The following TTN variants were observed in gnomAD, a reference collection of about 807,000 sequenced individuals.
The protein encoded by TTN is titin, also known as connectin.
In TTN, 1,525 loss-of-function variants were observed where a neutral mutation model predicts 3,223.0. The observed-to-expected ratio is 0.47, with a 90% CI of 0.45 to 0.49. The LOEUF (loss-of-function observed/expected upper bound fraction) is 0.49, where lower values mean the gene tolerates loss of function less well. Among genes scored for constraint, TTN ranks in the 20% least tolerant of loss-of-function variants. TTN has a pLI of 0.00. For missense variants in TTN, 40,786 were observed against 43,424.0 expected, an observed-to-expected ratio of 0.94 and a Z score of 5.40; for synonymous variants, 14,094 against 15,161.0, an observed-to-expected ratio of 0.93 and a Z score of 5.17.
In TTN at chr2:178,636,660, G is replaced by A; in HGVS notation, c.41067C>T (p.Ile13689=). 6.2e-7 allele frequency: 1 copy of A among 1,613,296 alleles called. No individual in the cohort carries two copies. Among genetic ancestry groups the A allele is most frequent in the Non-Finnish European group, 8.5e-7 (1 of 1,179,534 alleles). Residue 13689 remains isoleucine, a synonymous_variant, in exon 225 of 363, where the codon ATC becomes ATT. Coordinates refer to ENST00000589042, the MANE Select transcript of TTN (RefSeq NM_001267550.2). This position sits in a 1 kb window ranked among gnomAD's most constrained non-coding sequence, Gnocchi z 4.3. ...KAVPLKFVKE[I]KDIILTESEF... ...CTGATTCTGTCAAGATGATGTCTTT[G>A]ATTTCTTTCACAAACTTCAGTGGCA...
Position 178,715,269 on chromosome 2 carries a change from A to C in TTN, c.25922-5T>G. ...TTTTGCGGAAAATGGGTGGTTCTAA[A>C]ATTGGAAAAAAGGAAAATACGGATG... On this transcript the variant is annotated splice_region_variant and splice_polypyrimidine_tract_variant and intron_variant, in intron 89 of 362. Transcript: ENST00000589042. 6.3e-7 allele frequency: 1 copy of C among 1,592,364 alleles called. No homozygotes were observed. Among genetic ancestry groups the C allele is most frequent in the Non-Finnish European group, 8.5e-7 (1 of 1,171,022 alleles).
At chr2:178,712,650 A>C in intron 94 of TTN, 47 bp downstream of exon 94, 1 of 1,606,406 alleles carries the variant, frequency 6.2e-7, no homozygotes, top group African/African-American at 1.3e-5. Flanking sequence ...AGACAAAGAC[A>C]CATCTAATTA....
chr2:178,774,661 A>T (rs2091988593), intron 29 of TTN, 188 bp from the exon 30 acceptor site: 3 of 701,990 alleles, frequency 4.3e-6, no homozygotes, highest in South Asian at 4.5e-5. Context: ...TAATTTTTAA[A>T]TATTTTTGAA....
Position 178,790,718 on chromosome 2 carries a change from C to G in TTN, c.1790G>C (p.Ser597Thr), listed in dbSNP as rs1478820673. The change falls in exon 11 of 363, where the codon AGT becomes ACT. Residue 597 changes from serine to threonine, a missense_variant. By Grantham distance (58) the Ser-to-Thr change is moderately conservative. Coordinates refer to ENST00000589042, the MANE Select transcript of TTN (RefSeq NM_001267550.2). ...TTTQQDQMHL[S>T]YEKIMKETRK... is the part of the protein sequence containing the mutation. ...GCAGGAAGTCATCACCTTTTCATAA[C>G]TTAGGTGCATTTGATCTTGTTGTGT... 6.2e-7 allele frequency: 1 copy of G among 1,614,096 alleles called. No individual in the cohort carries two copies. Among genetic ancestry groups the G allele is most frequent in the Non-Finnish European group, 8.5e-7 (1 of 1,179,988 alleles).
rs1399586410 is a variant in TTN at position 178,720,753 on chromosome 2, G to A, written c.23099-90C>T. On this transcript the variant is annotated intron_variant, in intron 79 of 362. Transcript: ENST00000589042. ...TCTAGAACCTTGAAGAGTGACTGGT[G>A]TGATCATATGACAATACATGCTGAC... is the stretch of plus-strand genomic sequence containing the variant. 7 of 1,401,794 alleles carry A rather than the reference G, an allele frequency of 5.0e-6. No individual in the cohort carries two copies. In the African/African-American group the frequency reaches 1.0e-4, roughly 20 times the overall value. The allele number at this position is 1,401,794 out of a possible 1,614,324, so 86.8% of individuals were successfully genotyped here.
chr2:178,613,633 A>G (rs1400444482), intron 263 of TTN, 118 bp downstream of exon 263: 1 of 1,044,094 alleles, frequency 9.6e-7, no homozygotes, highest in East Asian at 2.8e-5. Context: ...AAATATGAGT[A>G]AAAGTAGTTT....
chr2:178,776,086 C>T lies in TTN; in HGVS notation c.5778G>A (p.Lys1926=). The T allele has an allele frequency of 6.2e-7, 1 of 1,614,166 alleles. No individual in the cohort carries two copies. The highest frequency in any genetic ancestry group is 2.2e-5 in the East Asian group (1 of 44,882). The part of the protein sequence containing the change: ...NPEGVIEHKV[K]LEIQQREDFR... ...AATCTTCCCTCTGTTGAATCTCAAG[C>T]TTCACTTTATGCTCTATCACACCTT... is the stretch of plus-strand genomic sequence containing the variant. The change falls in exon 28 of 363, where the codon AAG becomes AAA. Residue 1926 remains lysine (K), a synonymous_variant. Coordinates refer to ENST00000589042, the MANE Select transcript of TTN (RefSeq NM_001267550.2).
Position 178,576,703 on chromosome 2 carries a change from T to C in TTN, c.69541A>G (p.Lys23181Glu). Reference sequence around the variant, plus strand: ...GCTCTCACCCATCGCAGGCTTTTCTTTTCTCTCCTTTCTACATGATATCCT... The same window carrying C: ...GCTCTCACCCATCGCAGGCTTTTCTCTTCTCTCCTTTCTACATGATATCCT... ...ITGYHVERRE[K>E]KSLRWVRAIK... Residue 23181 changes from lysine to glutamate, a missense_variant, in exon 325 of 363, where the codon AAG becomes GAG. Physicochemically the swap from Lys to Glu is moderately conservative, Grantham distance 56. Coordinates refer to ENST00000589042, the MANE Select transcript of TTN (RefSeq NM_001267550.2). This position sits in a 1 kb window ranked among gnomAD's most constrained non-coding sequence, Gnocchi z 4.3. The C allele has an allele frequency of 6.2e-7, 1 of 1,613,522 alleles. No homozygotes were observed. The highest frequency in any genetic ancestry group is 8.5e-7 in the Non-Finnish European group (1 of 1,179,630).
chr2:178,672,542 C>T (rs2067191138), intron 153 of TTN, 61 bp from the exon 154 acceptor site: 3 of 1,600,848 alleles, frequency 1.9e-6, no homozygotes, highest in African/African-American at 2.7e-5. Flanking sequence ...AGACAAAAAT[C>T]ATCAAAAACA....
chr2:178,609,036 G>C, intron 273 of TTN, 128 bp from the exon 274 acceptor site: 2 of 1,312,542 alleles, frequency 1.5e-6, no homozygotes. Flanking sequence ...TATTCCATTA[G>C]CTAATAAATA....
rs753692236 is a variant in TTN, at chr2:178,719,375, C to T, written c.24015G>A (p.Glu8005=). Residue 8005 remains glutamate, a synonymous_variant, in exon 83 of 363, where the codon GAG becomes GAA. Coordinates refer to ENST00000589042, the MANE Select transcript of TTN (RefSeq NM_001267550.2). ...TCGGGGCTGAGCCAGAGACTCGGCA[C>T]TCCAAAACAACTGAGGCCCCCAGGA... ...NAILGASVVL[E]CRVSGSAPIS... is the part of the protein sequence containing the mutation. 3.7e-6 allele frequency: 6 copies of T among 1,613,628 alleles called. No homozygotes were observed. The highest frequency in any genetic ancestry group is 5.1e-6 in the Non-Finnish European group (6 of 1,179,746).
Position 178,593,053 on chromosome 2 carries a change from G to A in TTN, c.59066C>T (p.Ala19689Val). 6.2e-7 allele frequency: 1 copy of A among 1,613,268 alleles called. No individual in the cohort carries two copies. The highest frequency in any genetic ancestry group is 8.5e-7 in the Non-Finnish European group (1 of 1,179,566). Reference sequence around the variant, plus strand: ...GACTGAATTGCATGTTGTATCTATTGCTTCAGGATTAACAGGTGGACTTGG... The same window carrying A: ...GACTGAATTGCATGTTGTATCTATTACTTCAGGATTAACAGGTGGACTTGG... ...AKPSPPVNPEAIDTTCNSVDL... is the reference protein window; with the variant it reads ...AKPSPPVNPEVIDTTCNSVDL... Residue 19689 changes from alanine to valine, a missense_variant, in exon 300 of 363, where the codon GCA (alanine) becomes GTA (valine). Ala to Val is a moderately conservative substitution (Grantham distance 64). Coordinates refer to ENST00000589042, the MANE Select transcript of TTN (RefSeq NM_001267550.2).
chr2:178,551,001 C>T lies in TTN; in HGVS notation c.91530G>A (p.Gln30510=). 6.2e-7 allele frequency: 1 copy of T among 1,613,240 alleles called. No homozygotes were observed. Among genetic ancestry groups the T allele is most frequent in the Non-Finnish European group, 8.5e-7 (1 of 1,179,556 alleles). ...CTCTTGTCATAATAATGCCAGAAGA[C>T]TGTGAGGGCGGGCTTATAGTTCCAA... ...NAVGTISPPS[Q]SSGIIMTRDE... Residue 30510 remains glutamine (Q), a synonymous_variant, in exon 336 of 363, where the codon CAG becomes CAA. Coordinates refer to ENST00000589042, the MANE Select transcript of TTN (RefSeq NM_001267550.2).
rs776314797 is a variant in TTN, at chr2:178,589,762, C to T, written c.61963G>A (p.Glu20655Lys). ...ENKVGVGPTIETKTPILAINP... is the reference protein window; with the variant it reads ...ENKVGVGPTIKTKTPILAINP... ...ATAGCCAGAATGGGAGTTTTTGTTT[C>T]GATGGTTGGCCCAACACCTACTTTA... is the stretch of plus-strand genomic sequence containing the variant. The change falls in exon 304 of 363, where the codon GAA (glutamate) becomes AAA (lysine). Residue 20655 changes from glutamate (E) to lysine (K), a missense_variant. Coordinates refer to ENST00000589042, the MANE Select transcript of TTN (RefSeq NM_001267550.2). 72 of 1,613,386 alleles carry T rather than the reference C, an allele frequency of 4.5e-5. No homozygotes were observed. Among genetic ancestry groups the T allele is most frequent in the African/African-American group, 5.3e-5 (4 of 74,892 alleles).
rs1701983890 is a variant in TTN at position 178,557,550 on chromosome 2, G to A, written c.87712C>T (p.Pro29238Ser). The A allele has an allele frequency of 6.2e-7, 1 of 1,613,332 alleles. No homozygotes were observed. The highest frequency in any genetic ancestry group is 8.5e-7 in the Non-Finnish European group (1 of 1,179,682). ...ACCCATGGTGTAGATGGTGGTCCAG[G>A]TGTTGCTACAAAAGAGAGAAATCCT... ...CVTVKLPYTT[P>S]GPPSTPWVTN... is the part of the protein sequence containing the mutation. Residue 29238 changes from proline (P) to serine (S), a missense_variant, in exon 329 of 363, where the codon CCT becomes TCT. Pro to Ser is a moderately conservative substitution (Grantham distance 74, BLOSUM62 -1). Coordinates refer to ENST00000589042, the MANE Select transcript of TTN (RefSeq NM_001267550.2).
intron 350 of TTN, 81 bp from the exon 351 acceptor site, chr2:178,540,451 G>T: frequency 8.4e-7 from 1 of 1,189,714 alleles, no homozygotes; most frequent in Non-Finnish European, 1.2e-6. Flanking sequence ...AATTCAATGA[G>T]TTGTTGAAAC....
chr2:178,551,327 G>A lies in TTN; in HGVS notation c.91271-67C>T, dbSNP rs185704309. ...AACCAGGTCTTAATCATCCATGGAA[G>A]AACAATACAATTATTCTATAATTTT... On this transcript the variant is annotated intron_variant, in intron 335 of 362. Transcript: ENST00000589042. 5.6e-4 allele frequency: 720 copies of A among 1,285,246 alleles called. 13 individuals are homozygous for A. In the Admixed American group the frequency reaches 0.018, roughly 32 times the overall value. The allele number at this position is 1,285,246 out of a possible 1,614,324, so 79.6% of individuals were successfully genotyped here.
rs1344423828 is a variant in TTN at position 178,608,201 on chromosome 2, G to T, written c.52682C>A (p.Pro17561His). ...GPGKFSPPSDPKTAHDPISPP... is the reference protein window; with the variant it reads ...GPGKFSPPSDHKTAHDPISPP... ...ACAGATTGGATCATGTGCTGTTTTG[G>T]GATCTGAAGGTGGACTGAACTTTCC... The change falls in exon 275 of 363, where the codon CCC becomes CAC. Residue 17561 changes from proline (P) to histidine (H), a missense_variant. By Grantham distance (77) the Pro-to-His change is moderately conservative. Transcript: ENST00000589042. 1 of 1,602,992 alleles carries T rather than the reference G, an allele frequency of 6.2e-7. No homozygotes were observed. The highest frequency in any genetic ancestry group is 1.7e-5 in the Admixed American group (1 of 58,828).
chr2:178,591,868 A>G lies in TTN; in HGVS notation c.59951T>C (p.Leu19984Pro). ...AGTCTTGTCAACATCTACATGGTGCAGGTCCTTGGGTGGCCCTGGGGGATC... is the reference window on the plus strand; with the variant it reads ...AGTCTTGTCAACATCTACATGGTGCGGGTCCTTGGGTGGCCCTGGGGGATC... ...PLHPPGPPKD[L>P]HHVDVDKTEV... The change falls in exon 303 of 363, where the codon CTG becomes CCG. Residue 19984 changes from leucine (L) to proline (P), a missense_variant. By Grantham distance (98) the Leu-to-Pro change is moderately conservative. Coordinates refer to ENST00000589042, the MANE Select transcript of TTN (RefSeq NM_001267550.2). The G allele has an allele frequency of 6.2e-7, 1 of 1,612,692 alleles. No homozygotes were observed. The highest frequency in any genetic ancestry group is 1.1e-5 in the South Asian group (1 of 90,836).
Sources: allele counts gnomAD v4.1 joint callset, GRCh38; gene constraint gnomAD v4.1.1; non-coding constraint Gnocchi (gnomAD v3.1); transcripts MANE v1.5; gene names NCBI Gene and HGNC (gene_info 2026-07-23, HGNC 2026-07-21).